The following PCSK2 variants were observed in gnomAD, a reference collection of about 807,000 sequenced individuals.
PCSK2 encodes the protein neuroendocrine convertase 2.
PCSK2 carries 14 observed loss-of-function variants against 69.7 expected under a neutral mutation model. The ratio of observed to expected loss-of-function variants is 0.20; its 90% CI spans 0.13 to 0.31. The LOEUF is 0.31. PCSK2 is among the 10% of genes least tolerant of loss of function. PCSK2 has a pLI of 1.00. For synonymous variants in PCSK2, 307 were observed against 320.7 expected, an observed-to-expected ratio of 0.96 and a Z score of 0.46; for missense variants, 544 against 842.5, an observed-to-expected ratio of 0.65 and a Z score of 4.39.
chr20:17,340,624 G>T lies in PCSK2; in HGVS notation c.283-17703G>T, dbSNP rs1600504889. ...TTTTTCCTCTCCGTCTTACGGATTT[G>T]GGCTCCTATTTTGTTACAATCTTGA... On this transcript the variant is annotated intron_variant, in intron 2 of 11. Coordinates refer to ENST00000262545, the MANE Select transcript of PCSK2 (RefSeq NM_002594.5). 1.3e-5 allele frequency among the ~76,000 whole-genome samples: 2 copies of T among 152,044 alleles called. 1 individual carries two copies.
intron 6 of PCSK2, among the ~76,000 whole-genome samples, chr20:17,425,691 CA>C (rs1025764573): frequency 2.0e-5 from 3 of 152,148 alleles, no homozygotes; most frequent in East Asian, 3.9e-4. Flanking sequence ...ACTCACCCAC[CA>C]GTCCATCTCT....
intron 6 of PCSK2, among the ~76,000 whole-genome samples, chr20:17,426,368 T>C (rs899920358): frequency 3.3e-5 from 5 of 152,224 alleles, no homozygotes; most frequent in African/African-American, 9.6e-5. Flanking sequence ...CAATTAACCC[T>C]CTTTCCTTTA....
chr20:17,290,836 G>A (rs1988670784), intron 2 of PCSK2, among the ~76,000 whole-genome samples: 1 of 152,136 alleles, frequency 6.6e-6, no homozygotes, highest in African/African-American at 2.4e-5. Flanking sequence ...ATCTGGTGAG[G>A]ACCTTCTTGT....
intron 2 of PCSK2, among the ~76,000 whole-genome samples, chr20:17,307,446 T>G (rs1989360190): frequency 6.6e-6 from 1 of 152,166 alleles, no homozygotes; most frequent in African/African-American, 2.4e-5. Context: ...ACAAACAGCC[T>G]GGTGTGGCCA....
At position 17,483,929 on chromosome 20, in the gene PCSK2, ATGTG is replaced by A. The variant is rs973706909; in HGVS notation, c.*1863_*1866del. On this transcript the variant is annotated 3_prime_UTR_variant, in exon 12 of 12. Coordinates refer to ENST00000262545, the MANE Select transcript of PCSK2 (RefSeq NM_002594.5). ...ATATATACATATGTAGACTATATAC[ATGTG>A]TGTATATATGTGTATATATACATAC... 5.2e-5 allele frequency: 8 copies of A among 152,582 alleles called. 1 individual carries two copies. Among genetic ancestry groups the A allele is most frequent in the Non-Finnish European group, 1.0e-4 (7 of 68,032 alleles). The allele number at this position is 152,582 out of a possible 1,614,324, so 9.5% of individuals were successfully genotyped here. A position where few individuals can be genotyped will look rare whatever the true frequency, so the allele number is the denominator to read the frequency against.
chr20:17,359,584 T>C lies in PCSK2; in HGVS notation c.397-948T>C, dbSNP rs888588956. Among the ~76,000 whole-genome samples, 5 of 152,156 alleles carry C rather than the reference T, an allele frequency of 3.3e-5. No individual in the cohort carries two copies. In the South Asian group the frequency reaches 8.3e-4, roughly 25 times the overall value. On this transcript the variant is annotated intron_variant, in intron 3 of 11. Transcript: ENST00000262545. ...AAGCTTCTGCCTGGATGTGAAAAAA[T>C]GGCACATGAGATCACATGTCATTGG... is the stretch of plus-strand genomic sequence containing the variant.
intron 10 of PCSK2, among the ~76,000 whole-genome samples, chr20:17,456,949 C>T (rs965455938): frequency 6.6e-6 from 1 of 152,186 alleles, no homozygotes; most frequent in Non-Finnish European, 1.5e-5. Context: ...GGCAAAGTCA[C>T]GCAGTGTAGA....
intron 6 of PCSK2, among the ~76,000 whole-genome samples, chr20:17,410,465 C>T (rs1253533099): frequency 2.6e-5 from 4 of 152,024 alleles, no homozygotes; most frequent in Admixed American, 2.6e-4. Flanking sequence ...AGGGTTGACA[C>T]AGGGTACACA....
At chr20:17,396,282 G>T (rs1035322248) in intron 5 of PCSK2, among the ~76,000 whole-genome samples, 2 of 152,112 alleles carry the variant, frequency 1.3e-5, no homozygotes, top group African/African-American at 4.8e-5. Flanking sequence ...GGCTTCAATT[G>T]TACTTTGAGC....
At chr20:17,279,470 T>C (rs1471314423) in intron 2 of PCSK2, among the ~76,000 whole-genome samples, 2 of 152,226 alleles carry the variant, frequency 1.3e-5, no homozygotes, top group African/African-American at 4.8e-5. Context: ...CCATGAAAGC[T>C]ATGTTTCTAT....
intron 4 of PCSK2, among the ~76,000 whole-genome samples, chr20:17,366,662 A>G (rs2030600358): frequency 6.6e-6 from 1 of 152,232 alleles, no homozygotes; most frequent in South Asian, 2.1e-4. Flanking sequence ...ACTATTTTCC[A>G]TTCTTCAGTC....
At chr20:17,344,380 T>A (rs1990591070) in intron 2 of PCSK2, among the ~76,000 whole-genome samples, 2 of 152,160 alleles carry the variant, frequency 1.3e-5, no homozygotes, top group African/African-American at 4.8e-5. Context: ...ACCGTCACCC[T>A]GGAACTGTTC....
chr20:17,395,172 T>C (rs928708751), intron 5 of PCSK2, among the ~76,000 whole-genome samples: 1 of 152,156 alleles, frequency 6.6e-6, no homozygotes, highest in African/African-American at 2.4e-5. Flanking sequence ...AGCAATGTTA[T>C]CCTAAAAAGA....
intron 2 of PCSK2, among the ~76,000 whole-genome samples, chr20:17,326,098 T>A (rs546727800): frequency 5.3e-5 from 8 of 152,358 alleles, no homozygotes; most frequent in Admixed American, 5.2e-4. Context: ...CAACTCAACA[T>A]GATCAAGTCC....
At chr20:17,334,402 T>G (rs1367514279) in intron 2 of PCSK2, among the ~76,000 whole-genome samples, 1 of 152,112 alleles carries the variant, frequency 6.6e-6, no homozygotes, top group Non-Finnish European at 1.5e-5. Flanking sequence ...TGGGTTAAAA[T>G]TTACCAATTA....
chr20:17,266,799 A>T lies in PCSK2; in HGVS notation c.282+6455A>T, dbSNP rs1438172134. ...AAAGGAACCGGACCTTTGTGCCCCCATAATGACCAGTTATTGGCATGGGTA... is the reference window on the plus strand; with the variant it reads ...AAAGGAACCGGACCTTTGTGCCCCCTTAATGACCAGTTATTGGCATGGGTA... On this transcript the variant is annotated intron_variant, in intron 2 of 11. Coordinates refer to ENST00000262545, the MANE Select transcript of PCSK2 (RefSeq NM_002594.5). Among the ~76,000 whole-genome samples the T allele has an allele frequency of 2.6e-5, 4 of 152,190 alleles. No homozygotes were observed. The East Asian group carries it at 7.7e-4, about 29-fold the overall frequency.
chr20:17,244,531 A>G (rs1452165618), intron 1 of PCSK2, among the ~76,000 whole-genome samples: 3 of 152,208 alleles, frequency 2.0e-5, no homozygotes, highest in Admixed American at 6.5e-5. Context: ...AATCCCCATA[A>G]TGTACCCTGT....
rs189227791 is a variant in PCSK2 at position 17,448,760 on chromosome 20, A to G, written c.886-4982A>G. ...GAACCAGGGTGGTTAAGTACACTCC[A>G]TAGTACCTAGGTTAAAAGTTTCCAT... is the stretch of plus-strand genomic sequence containing the variant. On this transcript the variant is annotated intron_variant, in intron 8 of 11. Transcript: ENST00000262545. Among the ~76,000 whole-genome samples, 258 of 152,328 alleles carry G rather than the reference A, an allele frequency of 1.7e-3. 1 individual carries two copies. The highest frequency in any genetic ancestry group is 6.1e-3 in the African/African-American group (253 of 41,586).
chr20:17,314,376 C>G (rs546854917), intron 2 of PCSK2, among the ~76,000 whole-genome samples: 2 of 152,110 alleles, frequency 1.3e-5, no homozygotes, highest in African/African-American at 2.4e-5. Context: ...TGAATCAAGC[C>G]GGGAGGATTT....
Sources: gnomAD v4.1 joint callset for allele counts (sites outside exome capture counted in the v4.1 genomes callset) on GRCh38, gnomAD v4.1.1 for gene constraint, MANE v1.5 for transcripts, NCBI Gene and HGNC (gene_info 2026-07-23, HGNC 2026-07-21) for gene names.